Variants in PRMT3 observed in about 807,000 individuals in gnomAD.
PRMT3 encodes protein arginine N-methyltransferase 3.
Under a neutral mutation model 71.9 loss-of-function variants are expected in PRMT3, and 62 were observed. The observed-to-expected ratio is 0.86, with a 90% confidence interval of 0.70 to 1.07. The LOEUF (loss-of-function observed/expected upper bound fraction) is 1.07, where lower values mean the gene tolerates loss of function less well. Ranked by LOEUF, PRMT3 falls within the 50% of genes least tolerant of loss-of-function variation. The pLI, the probability that PRMT3 is intolerant of heterozygous loss-of-function variation, is 0.00. For missense variants in PRMT3, 663 were observed against 643.0 expected (o/e 1.03, Z -0.34); for synonymous variants, 213 against 220.4 (o/e 0.97, Z 0.30).
intron 13 of PRMT3, among the ~76,000 whole-genome samples, chr11:20,477,895 C>T (rs1244533279): frequency 6.6e-6 from 1 of 150,634 alleles, no homozygotes; most frequent in Admixed American, 6.6e-5. Context: ...AAGAGAGGAC[C>T]AACTCTGCCT....
Position 20,501,601 on chromosome 11 carries a change from A to G in PRMT3, c.1487-6703A>G, listed in dbSNP as rs139663378. On this transcript the variant is annotated intron_variant, in intron 15 of 15. Coordinates refer to ENST00000331079, the MANE Select transcript of PRMT3 (RefSeq NM_005788.4). ...TTTTTAGATAAAAATAAATGAAGCT[A>G]TGAGTCTAGTTTGGAAAAATTACTG... Among the ~76,000 whole-genome samples, 1,081 of 152,324 alleles carry G rather than the reference A, an allele frequency of 7.1e-3. 16 individuals are homozygous for G. The highest frequency in any genetic ancestry group is 0.025 in the African/African-American group (1,025 of 41,580).
At chr11:20,483,780 T>A (rs1033787490) in intron 13 of PRMT3, among the ~76,000 whole-genome samples, 1 of 152,164 alleles carries the variant, frequency 6.6e-6, no homozygotes, top group Admixed American at 6.6e-5. Context: ...ACCCGTAGCC[T>A]TGTATACTCT....
At chr11:20,393,556 C>A (rs190336054) in intron 5 of PRMT3, among the ~76,000 whole-genome samples, 1 of 152,068 alleles carries the variant, frequency 6.6e-6, no homozygotes, top group African/African-American at 2.4e-5. Context: ...CTTCTCTGCC[C>A]GAAAGAAGTA....
chr11:20,407,863 C>A (rs781442708), intron 8 of PRMT3, 48 bp from the exon 9 acceptor site: 3 of 1,526,980 alleles, frequency 2.0e-6, no homozygotes, highest in Admixed American at 3.8e-5. Context: ...ATATAGAGAC[C>A]TTTTTGATAA....
chr11:20,419,989 T>C (rs1849391082), intron 9 of PRMT3, among the ~76,000 whole-genome samples: 1 of 152,144 alleles, frequency 6.6e-6, no homozygotes, highest in African/African-American at 2.4e-5. Context: ...CTGAGCAACA[T>C]GGCGAAACCC....
intron 7 of PRMT3, among the ~76,000 whole-genome samples, chr11:20,400,640 C>T (rs1202478476): frequency 6.6e-6 from 1 of 152,066 alleles, no homozygotes; most frequent in African/African-American, 2.4e-5. Flanking sequence ...ACTTGGTCCA[C>T]CTTTATGAGC....
intron 15 of PRMT3, among the ~76,000 whole-genome samples, chr11:20,507,448 G>A (rs1851616878): frequency 1.4e-5 from 1 of 72,920 alleles, no homozygotes; most frequent in South Asian, 5.7e-4. Flanking sequence ...ATTTGACACT[G>A]TGGTATGTAG....
At chr11:20,488,454 A>G (rs1851131289) in intron 13 of PRMT3, among the ~76,000 whole-genome samples, 4 of 152,200 alleles carry the variant, frequency 2.6e-5, no homozygotes, top group Admixed American at 2.6e-4. Flanking sequence ...ACTTCAACGA[A>G]AAATGAATTG....
At chr11:20,492,132 A>G (rs1290957747) in intron 13 of PRMT3, among the ~76,000 whole-genome samples, 1 of 152,214 alleles carries the variant, frequency 6.6e-6, no homozygotes, top group African/African-American at 2.4e-5. Context: ...AAACTGTAAT[A>G]TACTATCGTA....
At chr11:20,392,684 A>C (rs1285253677) in intron 4 of PRMT3, among the ~76,000 whole-genome samples, 1 of 150,978 alleles carries the variant, frequency 6.6e-6, no homozygotes, top group African/African-American at 2.4e-5. Context: ...CTTTCCCCAA[A>C]TCCAAACAGT....
At chr11:20,497,992 T>C (rs909006383) in intron 15 of PRMT3, among the ~76,000 whole-genome samples, 3 of 152,192 alleles carry the variant, frequency 2.0e-5, no homozygotes, top group Non-Finnish European at 2.9e-5. Flanking sequence ...AAAAATGTTA[T>C]AACTATGCTT....
At chr11:20,446,190 A>G (rs1382547199) in intron 10 of PRMT3, among the ~76,000 whole-genome samples, 2 of 152,104 alleles carry the variant, frequency 1.3e-5, no homozygotes, top group Middle Eastern at 3.2e-3. Flanking sequence ...ATTTTATTTC[A>G]TACCTCCATA....
In PRMT3 at chr11:20,387,741, A is replaced by C. The variant is rs745652420; in HGVS notation, c.-6A>C. The C allele has an allele frequency of 5.2e-6, 8 of 1,539,170 alleles. No individual in the cohort carries two copies. The highest frequency in any genetic ancestry group is 3.5e-6 in the Non-Finnish European group (4 of 1,145,426). The stretch of plus-strand genomic sequence containing the variant: ...AGACACGCCGGGCTCTCGGGGCACC[A>C]CAGCCATGTGCTCGTTAGCGTCAGG... On this transcript the variant is annotated 5_prime_UTR_variant, in exon 1 of 16. Coordinates refer to ENST00000331079, the MANE Select transcript of PRMT3 (RefSeq NM_005788.4). The surrounding 1 kb of genome is among the most constrained non-coding windows in gnomAD (Gnocchi z 4.3).
chr11:20,459,842 T>C (rs559159440), intron 11 of PRMT3, among the ~76,000 whole-genome samples: 1 of 152,340 alleles, frequency 6.6e-6, no homozygotes, highest in Admixed American at 6.5e-5. Flanking sequence ...GTTAACATTT[T>C]CAATAACAAA....
chr11:20,388,201 CG>C, intron 2 of PRMT3, 47 bp downstream of exon 2: 1 of 1,609,098 alleles, frequency 6.2e-7, no homozygotes, highest in East Asian at 2.2e-5. Flanking sequence ...TGCCCGGGCG[CG>C]TGGGGTCTGT....
intron 13 of PRMT3, among the ~76,000 whole-genome samples, chr11:20,465,691 T>C (rs1850496124): frequency 6.6e-6 from 1 of 151,970 alleles, no homozygotes; most frequent in Non-Finnish European, 1.5e-5. Context: ...AAGTTTAATT[T>C]AAATATCCAG....
chr11:20,497,931 C>G (rs572695808), intron 15 of PRMT3, among the ~76,000 whole-genome samples: 1 of 152,216 alleles, frequency 6.6e-6, no homozygotes, highest in African/African-American at 2.4e-5. Context: ...AGGAAAATGT[C>G]TGATAGGAAC....
At chr11:20,405,064 T>G (rs954260956) in intron 8 of PRMT3, among the ~76,000 whole-genome samples, 2 of 152,050 alleles carry the variant, frequency 1.3e-5, no homozygotes, top group African/African-American at 4.8e-5. Flanking sequence ...ATTAAAAATG[T>G]TTTCTTTCCT....
rs889363552 is a variant in PRMT3 at position 20,498,792 on chromosome 11, T to G, written c.1486+4538T>G. Among the ~76,000 whole-genome samples, 7 of 152,200 alleles carry G rather than the reference T, an allele frequency of 4.6e-5. No individual in the cohort carries two copies. The South Asian group carries it at 1.4e-3, about 32-fold the overall frequency. ...GAAAGATGATTAATTGAATGACATTTTGAAGTATTGAAACTGGCAACCTAG... is the reference window on the plus strand; with the variant it reads ...GAAAGATGATTAATTGAATGACATTGTGAAGTATTGAAACTGGCAACCTAG... On this transcript the variant is annotated intron_variant, in intron 15 of 15. Coordinates refer to ENST00000331079, the MANE Select transcript of PRMT3 (RefSeq NM_005788.4).
Sources: gnomAD v4.1 joint callset for allele counts (sites outside exome capture counted in the v4.1 genomes callset) on GRCh38, gnomAD v4.1.1 for gene constraint, Gnocchi (gnomAD v3.1) non-coding constraint, MANE v1.5 for transcripts, NCBI Gene and HGNC (gene_info 2026-07-23, HGNC 2026-07-21) for gene names.